Variants in PLCH1 observed in about 807,000 individuals in gnomAD.
PLCH1 encodes phospholipase C eta 1.
Under a neutral mutation model 126.7 loss-of-function variants are expected in PLCH1, and 60 were observed. That is an observed-to-expected ratio of 0.47 (90% confidence interval 0.38 to 0.59). PLCH1 has a LOEUF of 0.59. PLCH1 is among the 20% of genes least tolerant of loss of function. PLCH1 has a pLI of 0.00. For synonymous variants in PLCH1, 719 were observed against 734.9 expected (o/e 0.98, Z 0.35); for missense variants, 1,723 against 2,040.0 (o/e 0.84, Z 2.99).
intron 2 of PLCH1, among the ~76,000 whole-genome samples, chr3:155,656,983 T>C (rs1741453219): frequency 6.9e-6 from 1 of 145,814 alleles, no homozygotes; most frequent in Non-Finnish European, 1.5e-5. Flanking sequence ...CTGCATGCAA[T>C]AACACAGTAA....
At chr3:155,524,112 T>C in intron 10 of PLCH1, 108 bp from the exon 11 acceptor site, 1 of 727,976 alleles carries the variant, frequency 1.4e-6, no homozygotes, top group Non-Finnish European at 2.4e-6. Flanking sequence ...AAACAAAACG[T>C]GTATGTACAT....
At chr3:155,559,910 C>T (rs1180787366) in intron 8 of PLCH1, among the ~76,000 whole-genome samples, 3 of 152,148 alleles carry the variant, frequency 2.0e-5, no homozygotes, top group Non-Finnish European at 4.4e-5. Context: ...AACTAAAAAT[C>T]ATGTGTACTT....
rs560680205 is a variant in PLCH1, at chr3:155,583,246, A to G, written c.771+226T>C. On this transcript the variant is annotated intron_variant, in intron 6 of 22. Transcript: ENST00000460012. ...GGGAAAATAGGCATATCTGTACTCA[A>G]TACATTTAAGATTAAGAATTATATA... 4.7e-4 allele frequency among the ~76,000 whole-genome samples: 72 copies of G among 152,090 alleles called. 1 individual carries two copies. The South Asian group carries it at 0.014, about 29-fold the overall frequency.
In PLCH1 at chr3:155,724,813, T is replaced by TGTGTG. The variant is rs1015618805; in HGVS notation, c.-41+20026_-41+20027insCACAC. Among the ~76,000 whole-genome samples, 268 of 140,148 alleles carry TGTGTG rather than the reference T, an allele frequency of 1.9e-3. 1 individual carries two copies. Among genetic ancestry groups the TGTGTG allele is most frequent in the South Asian group, 3.9e-3 (17 of 4,324 alleles). The allele number at this position is 140,148 out of a possible 152,430, so 91.9% of individuals were successfully genotyped here. On this transcript the variant is annotated intron_variant, in intron 1 of 22. Coordinates refer to ENST00000460012, the MANE Select transcript of PLCH1 (RefSeq NM_014996.4). ...TGTTGCCTGAATACCTTGGGGGGTTTTGTGTGTGTGTGTGTGTGTGTGTGT... is the reference window on the plus strand; with the variant it reads ...TGTTGCCTGAATACCTTGGGGGGTTTGTGTGTGTGTGTGTGTGTGTGTGTGTGTGT...
chr3:155,542,446 C>A (rs920613251), intron 10 of PLCH1, among the ~76,000 whole-genome samples: 1 of 152,192 alleles, frequency 6.6e-6, no homozygotes, highest in African/African-American at 2.4e-5. Flanking sequence ...TAGGCTCCAC[C>A]TCTGGGGGCA....
chr3:155,496,831 G>A (rs1434240402), intron 15 of PLCH1, among the ~76,000 whole-genome samples: 4 of 152,198 alleles, frequency 2.6e-5, no homozygotes, highest in Non-Finnish European at 1.5e-5. Context: ...GAATGCTACT[G>A]AGATTTCTGC....
At chr3:155,734,885 A>G (rs923485104) in intron 1 of PLCH1, among the ~76,000 whole-genome samples, 1 of 151,710 alleles carries the variant, frequency 6.6e-6, no homozygotes, top group Non-Finnish European at 1.5e-5. Context: ...ATTTTTTTGT[A>G]TTTTTAGTAG....
intron 2 of PLCH1, among the ~76,000 whole-genome samples, chr3:155,681,447 C>G (rs1465422870): frequency 6.6e-6 from 1 of 152,204 alleles, no homozygotes; most frequent in East Asian, 1.9e-4. Flanking sequence ...TACATAACTT[C>G]CCCAAGATGG....
intron 17 of PLCH1, 50 bp from the exon 18 acceptor site, chr3:155,492,903 A>G (rs1716466441): frequency 6.8e-7 from 1 of 1,470,216 alleles, no homozygotes; most frequent in Non-Finnish European, 9.1e-7. Flanking sequence ...ACACACACGC[A>G]TGCACAGCTT....
At chr3:155,680,523 A>G (rs970626896) in intron 2 of PLCH1, among the ~76,000 whole-genome samples, 1 of 152,154 alleles carries the variant, frequency 6.6e-6, no homozygotes, top group African/African-American at 2.4e-5. Flanking sequence ...CCCAGCTACC[A>G]CTTCCTAAGA....
intron 7 of PLCH1, among the ~76,000 whole-genome samples, chr3:155,566,623 G>T (rs544681003): frequency 3.6e-5 from 5 of 138,568 alleles, no homozygotes; most frequent in African/African-American, 1.2e-4. Flanking sequence ...CTAAATTCAG[G>T]GTGTGATTGA....
intron 6 of PLCH1, among the ~76,000 whole-genome samples, chr3:155,580,438 T>C (rs764148062): frequency 9.9e-5 from 15 of 152,094 alleles, no homozygotes; most frequent in Non-Finnish European, 1.6e-4. Flanking sequence ...AGGGTAGATT[T>C]TGAATCAGTG....
Position 155,564,905 on chromosome 3 carries a change from G to A in PLCH1, c.1069+10C>T. 1.2e-6 allele frequency: 2 copies of A among 1,602,688 alleles called. No homozygotes were observed. The highest frequency in any genetic ancestry group is 2.2e-5 in the South Asian group (2 of 90,816). ...CCATACACACCGGAGCTCAGAAAAA[G>A]TGCACGTACCTTCCACACAGCGACA... On this transcript the variant is annotated intron_variant, in intron 8 of 22. Coordinates refer to ENST00000460012, the MANE Select transcript of PLCH1 (RefSeq NM_014996.4).
intron 3 of PLCH1, among the ~76,000 whole-genome samples, chr3:155,595,916 G>A (rs572775745): frequency 2.5e-4 from 38 of 151,990 alleles, no homozygotes; most frequent in Middle Eastern, 3.4e-3. Flanking sequence ...GCTTTATAAT[G>A]TCCCTCACCT....
At chr3:155,673,596 C>G (rs1023333152) in intron 2 of PLCH1, among the ~76,000 whole-genome samples, 1 of 152,166 alleles carries the variant, frequency 6.6e-6, no homozygotes, top group African/African-American at 2.4e-5. Flanking sequence ...AGATACAGCT[C>G]TCATGATCTG....
At chr3:155,562,895 G>T (rs1473709060) in intron 8 of PLCH1, among the ~76,000 whole-genome samples, 1 of 151,952 alleles carries the variant, frequency 6.6e-6, no homozygotes, top group Non-Finnish European at 1.5e-5. Flanking sequence ...TTTGGATGCA[G>T]AAAAATGCCC....
rs1352508678 is a variant in PLCH1, at chr3:155,490,817, A to C, written c.2359T>G (p.Cys787Gly). 1 of 1,599,794 alleles carries C rather than the reference A, an allele frequency of 6.3e-7. No individual in the cohort carries two copies. Among genetic ancestry groups the C allele is most frequent in the East Asian group, 2.2e-5 (1 of 44,728 alleles). The change falls in exon 19 of 23, where the codon TGT becomes GGT. Residue 787 changes from cysteine (C) to glycine (G), a missense_variant. Cys to Gly is a radical substitution (Grantham distance 159). This residue lies in a region of PLCH1 where 776 missense variants were observed against 1,062.9 expected (regional missense o/e 0.73). Coordinates refer to ENST00000460012, the MANE Select transcript of PLCH1 (RefSeq NM_014996.4). Reference protein sequence around the residue: ...VEIIGLPVDCCKDQTRVVDDN... With the variant: ...VEIIGLPVDCGKDQTRVVDDN... ...TCTACCACACGGGTTTGATCTTTAC[A>C]ACAATCTACTGGCAATCCAATAATT... is the stretch of plus-strand genomic sequence containing the variant.
chr3:155,605,216 T>C (rs867640905), intron 2 of PLCH1, among the ~76,000 whole-genome samples: 2 of 152,140 alleles, frequency 1.3e-5, no homozygotes, highest in African/African-American at 4.8e-5. Flanking sequence ...CGGTGACTAG[T>C]CTGAAAGGAG....
At chr3:155,546,837 T>C (rs1480222621) in intron 10 of PLCH1, among the ~76,000 whole-genome samples, 3 of 148,440 alleles carry the variant, frequency 2.0e-5, no homozygotes, top group Non-Finnish European at 4.5e-5. Context: ...GCTAGCCATA[T>C]GAAGAAAGCT....
Sources: allele counts gnomAD v4.1 joint callset (sites outside exome capture counted in the v4.1 genomes callset), GRCh38; gene constraint gnomAD v4.1.1; regional missense constraint gnomAD v4.1.1; transcripts MANE v1.5; gene names NCBI Gene and HGNC (gene_info 2026-07-23, HGNC 2026-07-21).